OAS3: variants seen among roughly 807,000 people sequenced by gnomAD.
The protein encoded by OAS3 is 2'-5'-oligoadenylate synthase 3.
In OAS3, 107 loss-of-function variants were observed where a neutral mutation model predicts 113.0. The ratio of observed to expected loss-of-function variants is 0.95; its 90% CI spans 0.81 to 1.11. The LOEUF is 1.11. OAS3 is among the 50% of genes most tolerant of loss of function. OAS3 has a pLI of 0.00. For synonymous variants in OAS3, 552 were observed against 573.6 expected, an observed-to-expected ratio of 0.96 and a Z score of 0.54; for missense variants, 1,258 against 1,389.1, an observed-to-expected ratio of 0.91 and a Z score of 1.50.
chr12:112,947,078 T>A, intron 4 of OAS3, 97 bp downstream of exon 4: 1 of 969,092 alleles, frequency 1.0e-6, no homozygotes, highest in Non-Finnish European at 1.6e-6. Context: ...AGTGCTTGGG[T>A]ATAGAGGCCA....
intron 7 of OAS3, among the ~76,000 whole-genome samples, chr12:112,951,304 T>C (rs1331048420): frequency 6.6e-6 from 1 of 152,200 alleles, no homozygotes; most frequent in Non-Finnish European, 1.5e-5. Flanking sequence ...GTTATAATTT[T>C]CTTCCTTATT....
At chr12:112,965,434 G>A (rs1171478714) in intron 11 of OAS3, among the ~76,000 whole-genome samples, 2 of 152,260 alleles carry the variant, frequency 1.3e-5, no homozygotes, top group East Asian at 3.9e-4. Flanking sequence ...AAGCCTTCCA[G>A]GTGCAGACAG....
At chr12:112,968,522 T>G (rs1047136846) in intron 14 of OAS3, among the ~76,000 whole-genome samples, 1 of 152,162 alleles carries the variant, frequency 6.6e-6, no homozygotes, top group Non-Finnish European at 1.5e-5. Flanking sequence ...GGTTTTTTGT[T>G]GTTGTTGTTG....
rs2043899210 is a variant in OAS3 at position 112,962,787 on chromosome 12, A to C, written c.1969A>C (p.Thr657Pro). 6.2e-7 allele frequency: 1 copy of C among 1,613,888 alleles called. No individual in the cohort carries two copies. Among genetic ancestry groups the C allele is most frequent in the Admixed American group, 1.7e-5 (1 of 60,012 alleles). ...TTTCAACATGGCCCAAGGCTTCCGG[A>C]CGGTGCTGGGGCTCGTGCAACAGCA... ...DCFNMAQGFR[T>P]VLGLVQQHQQ... is the part of the protein sequence containing the mutation. The change falls in exon 9 of 16, where the codon ACG becomes CCG. Residue 657 changes from threonine to proline, a missense_variant. Transcript: ENST00000228928.
chr12:112,962,726 C>T lies in OAS3; in HGVS notation c.1908C>T (p.Thr636=), dbSNP rs1252886563. ...CAGCCTATGCCCTGGAGCTCCTCAC[C>T]ATCTTTGCCTGGGAGCAGGGCTGCA... ...LPPAYALELL[T]IFAWEQGCRQ... The change falls in exon 9 of 16, where the codon ACC becomes ACT. Residue 636 remains threonine, a synonymous_variant. Coordinates refer to ENST00000228928, the MANE Select transcript of OAS3 (RefSeq NM_006187.4). 2 of 1,614,012 alleles carry T rather than the reference C, an allele frequency of 1.2e-6. No individual in the cohort carries two copies. The highest frequency in any genetic ancestry group is 1.7e-6 in the Non-Finnish European group (2 of 1,179,892).
rs1478415479 is a variant in OAS3, at chr12:112,962,885, C to T, written c.2067C>T (p.Gly689=). Residue 689 remains glycine, a synonymous_variant, in exon 9 of 16, where the codon GGC becomes GGT. Transcript: ENST00000228928. ...CAGCCATGAGAATGCACCTTCTTGGCCAGCTTCGAAAACCCAGGTGAAGAC... is the reference window on the plus strand; with the variant it reads ...CAGCCATGAGAATGCACCTTCTTGGTCAGCTTCGAAAACCCAGGTGAAGAC... ...EDPAMRMHLL[G]QLRKPRPLVL... is the part of the protein sequence containing the mutation. The T allele has an allele frequency of 1.2e-6, 2 of 1,613,640 alleles. No homozygotes were observed. The highest frequency in any genetic ancestry group is 1.3e-5 in the African/African-American group (1 of 74,904).
intron 6 of OAS3, 34 bp from the exon 7 acceptor site, chr12:112,950,659 G>C: frequency 1.2e-6 from 2 of 1,607,982 alleles, no homozygotes; most frequent in Non-Finnish European, 1.7e-6. Context: ...GGCTCCTAGA[G>C]GGTCCCTGAT....
chr12:112,960,571 A>G (rs533791416), intron 7 of OAS3, among the ~76,000 whole-genome samples: 1 of 152,186 alleles, frequency 6.6e-6, no homozygotes, highest in Admixed American at 6.5e-5. Context: ...TGTATTCTAC[A>G]TACTGTTCTA....
At chr12:112,948,834 G>C (rs1223866331) in intron 5 of OAS3, 27 bp from the exon 6 acceptor site, 2 of 1,520,024 alleles carry the variant, frequency 1.3e-6, no homozygotes. Context: ...GCGCCTGGCT[G>C]AGGCAGCTCC....
At chr12:112,969,562 C>T (rs185433900) in intron 14 of OAS3, 46 bp from the exon 15 acceptor site, 1,660 of 1,569,270 alleles carry the variant, frequency 1.1e-3, no homozygotes, top group Non-Finnish European at 1.3e-3. Context: ...CAGGTGGACA[C>T]CTAGATGTTG....
chr12:112,949,315 C>G, intron 6 of OAS3, 110 bp downstream of exon 6: 1 of 836,180 alleles, frequency 1.2e-6, no homozygotes, highest in Non-Finnish European at 1.8e-6. Flanking sequence ...CTGGACGGCC[C>G]AGGAAGGATG....
intron 1 of OAS3, among the ~76,000 whole-genome samples, chr12:112,940,691 A>G (rs2136342241): frequency 6.6e-6 from 1 of 152,362 alleles, no homozygotes; most frequent in East Asian, 1.9e-4. Flanking sequence ...TTAAAAAGTT[A>G]GTTGCCAACA....
rs1486603506 is a variant in OAS3, at chr12:112,950,803, G to T, written c.1485G>T (p.Glu495Asp). The change falls in exon 7 of 16, where the codon GAG becomes GAT. Residue 495 changes from glutamate to aspartate, a missense_variant. Coordinates refer to ENST00000228928, the MANE Select transcript of OAS3 (RefSeq NM_006187.4). ...AGGACCAGGGGCCCCGCCGCGCAGAGATCCTTGATGAGATGCGAGCGCAGC... is the reference window on the plus strand; with the variant it reads ...AGGACCAGGGGCCCCGCCGCGCAGATATCCTTGATGAGATGCGAGCGCAGC... ...DYKDQGPRRAEILDEMRAQLE... is the reference protein window; with the variant it reads ...DYKDQGPRRADILDEMRAQLE... 1 of 1,614,030 alleles carries T rather than the reference G, an allele frequency of 6.2e-7. No individual in the cohort carries two copies. The highest frequency in any genetic ancestry group is 1.7e-5 in the Admixed American group (1 of 60,022).
rs774858712 is a variant in OAS3 at position 112,963,444 on chromosome 12, C to T, written c.2216C>T (p.Pro739Leu). The change falls in exon 10 of 16, where the codon CCC becomes CTC. Residue 739 changes from proline (P) to leucine (L), a missense_variant. Pro to Leu is a moderately conservative substitution (Grantham distance 98). Coordinates refer to ENST00000228928, the MANE Select transcript of OAS3 (RefSeq NM_006187.4). The surrounding 1 kb of genome is among the most constrained non-coding windows in gnomAD (Gnocchi z 4.6). ...AGTAGAGACGGGACATCTGTGCAGC[C>T]CTGGGATGTGATGGTAAGATGGAGG... Reference protein sequence around the residue: ...FLSRDGTSVQPWDVMPALLYQ... With the variant: ...FLSRDGTSVQLWDVMPALLYQ... 21 of 1,545,490 alleles carry T rather than the reference C, an allele frequency of 1.4e-5. No individual in the cohort carries two copies. Among genetic ancestry groups the T allele is most frequent in the Non-Finnish European group, 1.8e-5 (21 of 1,142,962 alleles).
chr12:112,947,873 G>T (rs765399048), intron 4 of OAS3, 73 bp from the exon 5 acceptor site: 3 of 1,351,636 alleles, frequency 2.2e-6, no homozygotes, highest in African/African-American at 1.5e-5. Context: ...GCAGAGATGC[G>T]ATTGGAACCA....
chr12:112,966,166 T>C lies in OAS3; in HGVS notation c.2689+137T>C, dbSNP rs2136360961. On this transcript the variant is annotated intron_variant, in intron 12 of 15. Coordinates refer to ENST00000228928, the MANE Select transcript of OAS3 (RefSeq NM_006187.4). ...CAGGCATTGTAGTTGTGTATGTTCA[T>C]CACAACTTTCCTGCAAAGTATCTAA... is the stretch of plus-strand genomic sequence containing the variant. 4.3e-6 allele frequency: 4 copies of C among 925,610 alleles called. No homozygotes were observed. The East Asian group carries it at 1.1e-4, about 24-fold the overall frequency. 57.3% of individuals were successfully genotyped at this position (925,610 alleles called of 1,614,324 possible).
At chr12:112,958,839 C>A (rs2043858475) in intron 7 of OAS3, among the ~76,000 whole-genome samples, 1 of 152,232 alleles carries the variant, frequency 6.6e-6, no homozygotes, top group Non-Finnish European at 1.5e-5. Flanking sequence ...ATCTCAAACT[C>A]CATGCTGGGA....
At chr12:112,961,295 C>T (rs762567558) in intron 8 of OAS3, 49 bp downstream of exon 8, 21 of 1,559,432 alleles carry the variant, frequency 1.3e-5, no homozygotes, top group Non-Finnish European at 1.8e-5. Flanking sequence ...TCATGGCAAC[C>T]ACCCCAGCCA....
chr12:112,950,328 G>C (rs2043777224), intron 6 of OAS3, among the ~76,000 whole-genome samples: 2 of 152,212 alleles, frequency 1.3e-5, no homozygotes, highest in South Asian at 4.1e-4. Context: ...CCCTATTAGG[G>C]CTTGGGACCT....
Sources: allele counts gnomAD v4.1 joint callset (sites outside exome capture counted in the v4.1 genomes callset), GRCh38; gene constraint gnomAD v4.1.1; non-coding constraint Gnocchi (gnomAD v3.1); transcripts MANE v1.5; gene names NCBI Gene and HGNC (gene_info 2026-07-23, HGNC 2026-07-21).